AFG2A: variants seen among roughly 807,000 people sequenced by gnomAD.
AFG2A encodes the protein AAA ATPase AFG2A, also known as ATPase family gene 2 protein homolog A.
the AFG2A span, among the ~76,000 whole-genome samples, chr4:123,007,550 ATGTGTGTGTGTGTGTATATG>A: frequency 7.8e-5 from 7 of 89,618 alleles, no homozygotes; most frequent in Non-Finnish European, 1.4e-4. Context: ...ATGTGTATGT[ATGTGTGTGTGTGTGTATATG>A]TGTGTGTGTG....
chr4:123,197,083 G>C, the AFG2A span, among the ~76,000 whole-genome samples: 107 of 152,164 alleles, frequency 7.0e-4, no homozygotes, highest in Non-Finnish European at 1.3e-3. Context: ...TTTTGAAAGG[G>C]TTTTCTGAAA....
At chr4:123,029,159 G>T in the AFG2A span, among the ~76,000 whole-genome samples, 4 of 152,076 alleles carry the variant, frequency 2.6e-5, no homozygotes, top group African/African-American at 4.8e-5. Flanking sequence ...TTTCTTTAGC[G>T]TGATCTTGGC....
At chr4:122,988,481 C>G in the AFG2A span, among the ~76,000 whole-genome samples, 1 of 150,706 alleles carries the variant, frequency 6.6e-6, no homozygotes, top group Non-Finnish European at 1.5e-5. Flanking sequence ...TCACTGCAAC[C>G]TCTGACTCCC....
chr4:123,067,614 T>A, the AFG2A span, among the ~76,000 whole-genome samples: 1 of 150,936 alleles, frequency 6.6e-6, no homozygotes, highest in Non-Finnish European at 1.5e-5. Context: ...AGGAAAAATA[T>A]TTTAAAATTA....
At chr4:123,143,563 A>G in the AFG2A span, among the ~76,000 whole-genome samples, 2 of 152,068 alleles carry the variant, frequency 1.3e-5, no homozygotes, top group Admixed American at 6.5e-5. Context: ...AACTAAGTAC[A>G]GTATTTGTGC....
At chr4:123,189,328 C>T in the AFG2A span, among the ~76,000 whole-genome samples, 2 of 152,154 alleles carry the variant, frequency 1.3e-5, no homozygotes, top group South Asian at 4.1e-4. Context: ...TGTAAGTTTA[C>T]CACAAGTGGA....
the AFG2A span, among the ~76,000 whole-genome samples, chr4:123,128,130 G>A: frequency 1.3e-5 from 2 of 152,256 alleles, no homozygotes; most frequent in East Asian, 1.9e-4. Flanking sequence ...GTCCTGGAAT[G>A]TTGTTGAGAA....
At chr4:123,063,071 A>G in the AFG2A span, among the ~76,000 whole-genome samples, 1 of 152,138 alleles carries the variant, frequency 6.6e-6, no homozygotes, top group Non-Finnish European at 1.5e-5. Context: ...TTTTTTCCTA[A>G]TTATATGATG....
chr4:123,043,211 G>A, the AFG2A span, among the ~76,000 whole-genome samples: 1 of 152,076 alleles, frequency 6.6e-6, no homozygotes, highest in Admixed American at 6.6e-5. Context: ...AATTGTTTCT[G>A]ATAAGAAGTC....
At chr4:123,138,680 C>G in the AFG2A span, among the ~76,000 whole-genome samples, 1 of 151,752 alleles carries the variant, frequency 6.6e-6, no homozygotes, top group Admixed American at 6.6e-5. Context: ...ACAGCGTACA[C>G]TTAACATTTG....
chr4:123,004,814 A>G, the AFG2A span, among the ~76,000 whole-genome samples: 1 of 152,048 alleles, frequency 6.6e-6, no homozygotes, highest in Non-Finnish European at 1.5e-5. Context: ...TTTTTCCCTT[A>G]TATGTTCTCC....
At chr4:123,157,631 G>A in the AFG2A span, among the ~76,000 whole-genome samples, 1 of 152,144 alleles carries the variant, frequency 6.6e-6, no homozygotes, top group Non-Finnish European at 1.5e-5. Context: ...AAGATCAGAC[G>A]AGATTGAGCG....
the AFG2A span, among the ~76,000 whole-genome samples, chr4:123,077,888 C>G: frequency 6.6e-6 from 1 of 152,200 alleles, no homozygotes; most frequent in Non-Finnish European, 1.5e-5. Context: ...AATTCCAGAA[C>G]ATTTCCATCA....
the AFG2A span, among the ~76,000 whole-genome samples, chr4:123,044,380 A>G: frequency 2.6e-5 from 4 of 152,154 alleles, no homozygotes; most frequent in East Asian, 1.9e-4. Context: ...TTCATCTTCA[A>G]CATAGTCTTG....
the AFG2A span, among the ~76,000 whole-genome samples, chr4:123,137,059 A>G: frequency 6.6e-6 from 1 of 152,152 alleles, no homozygotes; most frequent in Admixed American, 6.5e-5. Context: ...CACAACGTAG[A>G]TACCTTGCAC....
the AFG2A span, among the ~76,000 whole-genome samples, chr4:123,271,142 C>T: frequency 6.6e-6 from 1 of 152,188 alleles, no homozygotes; most frequent in Non-Finnish European, 1.5e-5. Context: ...CCAGAAAAGC[C>T]TCTCACTTAG....
chr4:123,309,302 G>T, the AFG2A span, among the ~76,000 whole-genome samples: 1 of 152,264 alleles, frequency 6.6e-6, no homozygotes, highest in South Asian at 2.1e-4. Flanking sequence ...CAGGATCAAG[G>T]TGCCAACAGA....
chr4:123,078,225 ATTTG>A, the AFG2A span, among the ~76,000 whole-genome samples: 2 of 152,046 alleles, frequency 1.3e-5, no homozygotes, highest in African/African-American at 2.4e-5. Context: ...GACATTGAAC[ATTTG>A]TTTGTTAAAC....
the AFG2A span, among the ~76,000 whole-genome samples, chr4:122,945,182 C>T: frequency 6.6e-6 from 1 of 152,206 alleles, no homozygotes; most frequent in East Asian, 1.9e-4. Context: ...CAGACAGGGA[C>T]ATTTAAGTCT....
Sources: allele counts gnomAD v4.1 joint callset (sites outside exome capture counted in the v4.1 genomes callset), GRCh38; gene constraint gnomAD v4.1.1; transcripts MANE v1.5; gene names NCBI Gene and HGNC (gene_info 2026-07-23, HGNC 2026-07-21).